Variants in SYT1 observed in about 807,000 individuals in gnomAD.
SYT1 encodes synaptotagmin-1.
Under a neutral mutation model 44.8 loss-of-function variants are expected in SYT1, and 8 were observed. That is an observed-to-expected ratio of 0.18 (90% confidence interval 0.10 to 0.32). SYT1 has a LOEUF of 0.32. Ranked by LOEUF, SYT1 falls within the 10% of genes least tolerant of loss-of-function variation. The probability of loss-of-function intolerance (pLI) is 1.00; values close to 1 mark genes in which losing one functional copy is unlikely to be tolerated. For synonymous variants in SYT1, 154 were observed against 188.8 expected (o/e 0.82, Z 1.51); for missense variants, 286 against 509.3 (o/e 0.56, Z 4.22).
chr12:79,182,299 A>C (rs1262955414), intron 3 of SYT1, among the ~76,000 whole-genome samples: 1 of 150,722 alleles, frequency 6.6e-6, no homozygotes, highest in Non-Finnish European at 1.5e-5. Flanking sequence ...TCTTTTTTTA[A>C]CTCCCTTTCT....
intron 4 of SYT1, among the ~76,000 whole-genome samples, chr12:79,245,719 T>G (rs902844749): frequency 6.6e-6 from 1 of 152,168 alleles, no homozygotes; most frequent in African/African-American, 2.4e-5. Flanking sequence ...CACTGTCTAA[T>G]TAAATTCAAC....
intron 1 of SYT1, among the ~76,000 whole-genome samples, chr12:78,938,797 C>T (rs1878202122): frequency 6.6e-6 from 1 of 152,190 alleles, no homozygotes; most frequent in South Asian, 2.1e-4. Flanking sequence ...ACTAAAGGAA[C>T]AGCTGCCGTC....
At chr12:79,045,288 G>T (rs1453900854) in intron 2 of SYT1, among the ~76,000 whole-genome samples, 1 of 152,198 alleles carries the variant, frequency 6.6e-6, no homozygotes, top group African/African-American at 2.4e-5. Context: ...GTGGGCGTAG[G>T]ACCCGCCGAG....
intron 2 of SYT1, among the ~76,000 whole-genome samples, chr12:79,034,074 T>C (rs1872976707): frequency 6.6e-6 from 1 of 151,482 alleles, no homozygotes; most frequent in African/African-American, 2.4e-5. Flanking sequence ...TATTAAATCA[T>C]CATGTGTAGA....
At chr12:79,345,961 T>A (rs1882588019) in intron 8 of SYT1, among the ~76,000 whole-genome samples, 1 of 152,194 alleles carries the variant, frequency 6.6e-6, no homozygotes, top group African/African-American at 2.4e-5. Flanking sequence ...AAGAATCTGT[T>A]GCCAATTTAA....
At chr12:79,352,287 A>T (rs1011670753) in intron 8 of SYT1, among the ~76,000 whole-genome samples, 7 of 152,050 alleles carry the variant, frequency 4.6e-5, no homozygotes, top group Non-Finnish European at 8.8e-5. Context: ...CTGACTTAAC[A>T]TATATGTCAA....
chr12:79,034,152 G>T (rs1872982786), intron 2 of SYT1, among the ~76,000 whole-genome samples: 1 of 151,400 alleles, frequency 6.6e-6, no homozygotes, highest in Admixed American at 6.6e-5. Context: ...AAAGCCCCAG[G>T]AAAACTGATC....
chr12:79,347,555 C>A lies in SYT1; in HGVS notation c.811-5947C>A, dbSNP rs144031162. Among the ~76,000 whole-genome samples the A allele has an allele frequency of 4.3e-3, 655 of 152,172 alleles. 3 individuals carry two copies. The highest frequency in any genetic ancestry group is 0.015 in the African/African-American group (629 of 41,504). ...AGAGGGGTTGATCTAAAGGACACAC[C>A]CCTATAAACCTCATGTTGAAAATCT... On this transcript the variant is annotated intron_variant, in intron 8 of 10. Coordinates refer to ENST00000261205, the MANE Select transcript of SYT1 (RefSeq NM_005639.3).
intron 3 of SYT1, among the ~76,000 whole-genome samples, chr12:79,135,736 A>G (rs1869146370): frequency 6.6e-6 from 1 of 152,006 alleles, no homozygotes; most frequent in Non-Finnish European, 1.5e-5. Flanking sequence ...AGCTTATTCA[A>G]CTCCATGCCT....
chr12:79,081,797 T>G (rs1335973880), intron 3 of SYT1, among the ~76,000 whole-genome samples: 1 of 152,164 alleles, frequency 6.6e-6, no homozygotes, highest in Admixed American at 6.6e-5. Context: ...TAACAATTTG[T>G]TTCTCTGATG....
intron 1 of SYT1, among the ~76,000 whole-genome samples, chr12:78,901,343 G>A (rs949716212): frequency 1.3e-5 from 2 of 152,030 alleles, no homozygotes; most frequent in African/African-American, 2.4e-5. Context: ...TACTGAGTTC[G>A]AGATTTTATT....
intron 2 of SYT1, among the ~76,000 whole-genome samples, chr12:79,007,651 A>G (rs749659273): frequency 2.0e-5 from 3 of 152,152 alleles, no homozygotes; most frequent in Non-Finnish European, 2.9e-5. Flanking sequence ...GGAGGACAAA[A>G]GCTAGATCAT....
chr12:79,055,341 T>G (rs1874853163), intron 3 of SYT1, among the ~76,000 whole-genome samples: 1 of 151,998 alleles, frequency 6.6e-6, no homozygotes, highest in East Asian at 1.9e-4. Context: ...ATGACTCTGA[T>G]ATGTAAGTTG....
In SYT1 at chr12:79,034,259, A is replaced by G. The variant is rs185603971; in HGVS notation, c.-83-13038A>G. On this transcript the variant is annotated intron_variant, in intron 2 of 10. Coordinates refer to ENST00000261205, the MANE Select transcript of SYT1 (RefSeq NM_005639.3). ...TTAGATAAATGATTTTCAGAAATCT[A>G]AGATACCTCAATAAATTAGTAAATC... Among the ~76,000 whole-genome samples, 978 of 151,714 alleles carry G rather than the reference A, an allele frequency of 6.4e-3. 9 individuals are homozygous for G. Among genetic ancestry groups the G allele is most frequent in the Non-Finnish European group, 0.011 (772 of 67,694 alleles).
At chr12:78,995,157 A>C (rs1417650754) in intron 2 of SYT1, among the ~76,000 whole-genome samples, 2 of 152,098 alleles carry the variant, frequency 1.3e-5, no homozygotes, top group African/African-American at 4.8e-5. Context: ...TCCCAGGGGG[A>C]GCTAAATGCA....
At chr12:78,869,554 ATAT>A (rs1421353996) in intron 1 of SYT1, among the ~76,000 whole-genome samples, 1 of 151,992 alleles carries the variant, frequency 6.6e-6, no homozygotes, top group Non-Finnish European at 1.5e-5. Context: ...TTAAAATATA[ATAT>A]TAGAGATTCT....
chr12:79,116,900 G>A (rs1319903919), intron 3 of SYT1, among the ~76,000 whole-genome samples: 1 of 152,150 alleles, frequency 6.6e-6, no homozygotes, highest in Non-Finnish European at 1.5e-5. Flanking sequence ...CCTCCAGTGA[G>A]GAGGGCAAGT....
chr12:78,991,982 C>T (rs1362132567), intron 2 of SYT1, among the ~76,000 whole-genome samples: 1 of 152,082 alleles, frequency 6.6e-6, no homozygotes, highest in Admixed American at 6.6e-5. Flanking sequence ...ATCAGGGGCC[C>T]TAGCAAGTTA....
intron 2 of SYT1, among the ~76,000 whole-genome samples, chr12:79,018,895 A>C (rs1871988165): frequency 6.6e-6 from 1 of 151,872 alleles, no homozygotes; most frequent in Admixed American, 6.6e-5. Context: ...TTATGCTTAA[A>C]ATGGGAGAAT....
Sources: gnomAD v4.1 joint callset for allele counts (sites outside exome capture counted in the v4.1 genomes callset) on GRCh38, gnomAD v4.1.1 for gene constraint, MANE v1.5 for transcripts, NCBI Gene and HGNC (gene_info 2026-07-23, HGNC 2026-07-21) for gene names.